Variants in ZNF69 observed in about 807,000 individuals in gnomAD.
The protein encoded by ZNF69 is zinc finger protein 69.
A neutral mutation model predicts 50.9 loss-of-function variants in ZNF69; 47 were observed. The ratio of observed to expected loss-of-function variants is 0.92; its 90% CI spans 0.73 to 1.18. ZNF69 has a LOEUF of 1.18. Ranked by LOEUF, ZNF69 falls within the 50% of genes most tolerant of loss-of-function variation. The pLI is 0.00. For synonymous variants in ZNF69, 216 were observed against 223.1 expected (o/e 0.97, Z 0.29); for missense variants, 717 against 675.1 (o/e 1.06, Z -0.69).
the ZNF69 span, among the ~76,000 whole-genome samples, chr19:11,963,526 G>A: frequency 6.6e-6 from 1 of 152,110 alleles, no homozygotes; most frequent in Non-Finnish European, 1.5e-5. Flanking sequence ...TTTCCATAAG[G>A]GGGTGAGCTT....
intron 1 of ZNF69, among the ~76,000 whole-genome samples, chr19:11,901,657 G>T (rs2145230753): frequency 6.6e-6 from 1 of 151,272 alleles, no homozygotes; most frequent in Non-Finnish European, 1.5e-5. Flanking sequence ...GCTAATTTTT[G>T]TGTTTTTTTA....
At chr19:11,949,544 C>T in the ZNF69 span, 11 of 1,610,888 alleles carry the variant, frequency 6.8e-6, no homozygotes, top group Non-Finnish European at 9.3e-6. Flanking sequence ...GGAGAAAGAC[C>T]TTATAAATGT....
the ZNF69 span, among the ~76,000 whole-genome samples, chr19:11,958,878 CATTT>C: frequency 6.6e-6 from 1 of 152,024 alleles, no homozygotes; most frequent in African/African-American, 2.4e-5. Context: ...TTTGTTTGCT[CATTT>C]ATTTATTTAT....
At chr19:11,969,437 G>A in the ZNF69 span, among the ~76,000 whole-genome samples, 1 of 151,942 alleles carries the variant, frequency 6.6e-6, no homozygotes, top group African/African-American at 2.4e-5. Flanking sequence ...TATATAGGTA[G>A]AAAATTTCTA....
At chr19:11,890,569 T>C (rs1337452413) in intron 1 of ZNF69, among the ~76,000 whole-genome samples, 2 of 152,168 alleles carry the variant, frequency 1.3e-5, no homozygotes, top group African/African-American at 2.4e-5. Flanking sequence ...CTTTTCTATG[T>C]AGACACAGTA....
At chr19:11,908,090 G>C (rs2145248060), downstream of ZNF69, among the ~76,000 whole-genome samples, 1 of 152,226 alleles carries the variant, frequency 6.6e-6, no homozygotes, top group East Asian at 1.9e-4. Context: ...ATTACATAAA[G>C]GTAAAGGGAT....
chr19:11,930,887 T>G, the ZNF69 span, among the ~76,000 whole-genome samples: 1 of 147,410 alleles, frequency 6.8e-6, no homozygotes, highest in African/African-American at 2.7e-5. Context: ...TAATCCCAGC[T>G]ACTCGGGAGG....
the ZNF69 span, among the ~76,000 whole-genome samples, chr19:11,945,432 G>A: frequency 6.6e-6 from 1 of 152,176 alleles, no homozygotes; most frequent in Non-Finnish European, 1.5e-5. Flanking sequence ...CCTGGCTTGG[G>A]AACAGGCAGG....
chr19:11,955,126 T>C, the ZNF69 span, among the ~76,000 whole-genome samples: 1 of 149,908 alleles, frequency 6.7e-6, no homozygotes, highest in African/African-American at 2.4e-5. Flanking sequence ...TGCCTCAGCC[T>C]CCTGAGTAGC....
At chr19:11,890,030 C>T (rs1977045533) in intron 1 of ZNF69, among the ~76,000 whole-genome samples, 2 of 152,172 alleles carry the variant, frequency 1.3e-5, no homozygotes, top group African/African-American at 4.8e-5. Context: ...ATCTTGCCTC[C>T]CACAGGGCGG....
the ZNF69 span, among the ~76,000 whole-genome samples, chr19:11,951,930 A>G: frequency 4.6e-5 from 7 of 152,132 alleles, no homozygotes; most frequent in African/African-American, 1.7e-4. Flanking sequence ...ATCACAGCAC[A>G]TTGGGAGGCT....
the ZNF69 span, chr19:11,947,285 T>G: frequency 6.2e-7 from 1 of 1,614,004 alleles, no homozygotes; most frequent in Non-Finnish European, 8.5e-7. Context: ...TGCTGGAAAC[T>G]TTCAGGAACC....
chr19:11,970,979 T>G, the ZNF69 span, among the ~76,000 whole-genome samples: 1 of 152,130 alleles, frequency 6.6e-6, no homozygotes, highest in African/African-American at 2.4e-5. Flanking sequence ...GTCTCACAAT[T>G]TGCTGTTTTC....
At chr19:11,970,923 C>A in the ZNF69 span, among the ~76,000 whole-genome samples, 19,033 of 151,996 alleles carry the variant, frequency 0.13, 2,205 homozygotes, top group African/African-American at 0.31. Flanking sequence ...GAGAGTGAAA[C>A]CTCATTTCAA....
the ZNF69 span, among the ~76,000 whole-genome samples, chr19:11,943,501 T>C: frequency 6.6e-6 from 1 of 152,186 alleles, no homozygotes; most frequent in Non-Finnish European, 1.5e-5. Flanking sequence ...TTTTTCTGTT[T>C]TAGCTATTTT....
chr19:11,928,745 AAAAAAAG>A, the ZNF69 span, among the ~76,000 whole-genome samples: 4 of 143,678 alleles, frequency 2.8e-5, 2 homozygotes, highest in African/African-American at 1.2e-4. Flanking sequence ...AAAAAAAAAA[AAAAAAAG>A]AAAGTAGTCT....
chr19:11,905,641 C>G lies in ZNF69; in HGVS notation c.1244C>G (p.Pro415Arg). Residue 415 changes from proline to arginine, a missense_variant, in exon 4 of 4, where the codon CCC (proline) becomes CGC (arginine). Coordinates refer to ENST00000429654, the MANE Select transcript of ZNF69 (RefSeq NM_001364730.1). Reference sequence around the variant, plus strand: ...GAAAGGATTCACACTGGAGAGAAACCCTATGAGTGTAAGCAATGTGGGAAG... The same window carrying G: ...GAAAGGATTCACACTGGAGAGAAACGCTATGAGTGTAAGCAATGTGGGAAG... ...YHERIHTGEK[P>R]YECKQCGKAF... 6.2e-7 allele frequency: 1 copy of G among 1,613,512 alleles called. No individual in the cohort carries two copies. The highest frequency in any genetic ancestry group is 8.5e-7 in the Non-Finnish European group (1 of 1,179,922).
the ZNF69 span, among the ~76,000 whole-genome samples, chr19:11,936,443 G>A: frequency 6.6e-6 from 1 of 152,212 alleles, no homozygotes; most frequent in Non-Finnish European, 1.5e-5. Flanking sequence ...GACCAGTGTT[G>A]ATGAGCATTT....
the ZNF69 span, chr19:11,925,338 C>G: frequency 6.3e-7 from 1 of 1,595,070 alleles, no homozygotes; most frequent in African/African-American, 1.3e-5. Context: ...CGGGAACCGG[C>G]TGTGGCGGGA....
Sources: allele counts gnomAD v4.1 joint callset (sites outside exome capture counted in the v4.1 genomes callset), GRCh38; gene constraint gnomAD v4.1.1; transcripts MANE v1.5; gene names NCBI Gene and HGNC (gene_info 2026-07-23, HGNC 2026-07-21).